The following GRID2 variants were observed in gnomAD, a reference collection of about 807,000 sequenced individuals.
GRID2 encodes glutamate ionotropic receptor delta type subunit 2, also known as glutamate receptor ionotropic, delta-2.
A neutral mutation model predicts 114.8 loss-of-function variants in GRID2; 33 were observed. The observed-to-expected ratio is 0.29, with a 90% CI of 0.22 to 0.38. GRID2 has a LOEUF of 0.38. Ranked by LOEUF, GRID2 falls within the 10% of genes least tolerant of loss-of-function variation. The pLI is 1.00. For synonymous variants in GRID2, 505 were observed against 449.9 expected, an observed-to-expected ratio of 1.12 and a Z score of -1.55; for missense variants, 1,184 against 1,257.7, an observed-to-expected ratio of 0.94 and a Z score of 0.89.
intron 2 of GRID2, among the ~76,000 whole-genome samples, chr4:92,980,075 T>G (rs1207637939): frequency 6.6e-6 from 1 of 152,184 alleles, no homozygotes; most frequent in African/African-American, 2.4e-5. Context: ...GCCTTAATAA[T>G]AATGTGTGGA....
intron 1 of GRID2, among the ~76,000 whole-genome samples, chr4:92,422,993 G>T (rs1731979250): frequency 6.6e-6 from 1 of 152,112 alleles, no homozygotes; most frequent in Admixed American, 6.5e-5. Flanking sequence ...TCATAATTTT[G>T]CAAAGGCAGT....
chr4:93,803,854 CA>C (rs1329442541), intron 1 of GRID2, among the ~76,000 whole-genome samples: 2 of 152,108 alleles, frequency 1.3e-5, no homozygotes, highest in East Asian at 3.8e-4. Flanking sequence ...GTGAATGCAA[CA>C]ATTGAAAAAG....
At chr4:92,928,287 G>T (rs1340319952) in intron 2 of GRID2, among the ~76,000 whole-genome samples, 1 of 151,676 alleles carries the variant, frequency 6.6e-6, no homozygotes, top group African/African-American at 2.4e-5. Context: ...TAGAGGGCTG[G>T]AATTGTGTGC....
chr4:93,522,740 C>T (rs1196214185), intron 13 of GRID2, among the ~76,000 whole-genome samples: 3 of 151,988 alleles, frequency 2.0e-5, no homozygotes, highest in Admixed American at 1.3e-4. Context: ...TTGGAAGTAA[C>T]ATGAAGCTTG....
chr4:92,415,740 G>A (rs370163822), intron 1 of GRID2, among the ~76,000 whole-genome samples: 14 of 82,222 alleles, frequency 1.7e-4, no homozygotes, highest in African/African-American at 2.0e-4. Flanking sequence ...GTGTATGTGT[G>A]TATATATATA....
chr4:93,549,889 A>G (rs2149540850), intron 13 of GRID2, among the ~76,000 whole-genome samples: 1 of 152,286 alleles, frequency 6.6e-6, no homozygotes, highest in East Asian at 1.9e-4. Context: ...TTTTAACTAC[A>G]CTAACTTGTA....
chr4:92,801,671 T>A (rs904126480), intron 2 of GRID2, among the ~76,000 whole-genome samples: 1 of 151,936 alleles, frequency 6.6e-6, no homozygotes, highest in African/African-American at 2.4e-5. Flanking sequence ...TAAGCATATA[T>A]ATAAGCAAAA....
intron 2 of GRID2, among the ~76,000 whole-genome samples, chr4:93,032,841 C>T (rs1015212316): frequency 1.3e-5 from 2 of 152,124 alleles, no homozygotes; most frequent in African/African-American, 4.8e-5. Flanking sequence ...TAGCCTAACA[C>T]CCATGGGATA....
At chr4:93,115,013 A>G (rs1733103756) in intron 4 of GRID2, among the ~76,000 whole-genome samples, 2 of 152,040 alleles carry the variant, frequency 1.3e-5, no homozygotes, top group South Asian at 4.1e-4. Context: ...AAGTTGTGTC[A>G]CCAGACTCTT....
chr4:93,783,771 C>T (rs1734529115), intron 1 of GRID2, among the ~76,000 whole-genome samples: 1 of 152,098 alleles, frequency 6.6e-6, no homozygotes, highest in Non-Finnish European at 1.5e-5. Context: ...CTAATGAAAA[C>T]CTTAGAAAAA....
intron 1 of GRID2, among the ~76,000 whole-genome samples, chr4:92,307,200 T>A (rs970792749): frequency 1.3e-5 from 2 of 152,088 alleles, no homozygotes; most frequent in Admixed American, 6.5e-5. Flanking sequence ...AAAGAATTAA[T>A]TTTCTTTAGG....
chr4:93,531,173 GAC>G (rs1731405668), intron 13 of GRID2, among the ~76,000 whole-genome samples: 1 of 152,070 alleles, frequency 6.6e-6, no homozygotes, highest in South Asian at 2.1e-4. Flanking sequence ...AGGCAGGAAA[GAC>G]AGAGTAAGAC....
intron 2 of GRID2, among the ~76,000 whole-genome samples, chr4:92,777,626 C>A (rs1052399457): frequency 6.6e-6 from 1 of 151,360 alleles, no homozygotes; most frequent in Non-Finnish European, 1.5e-5. Context: ...AGAGATAGGG[C>A]CATTAAAGAA....
At chr4:92,464,224 C>A (rs190330102) in intron 1 of GRID2, among the ~76,000 whole-genome samples, 1 of 152,084 alleles carries the variant, frequency 6.6e-6, no homozygotes, top group Admixed American at 6.6e-5. Context: ...GTGGAAATAG[C>A]ACAGCTCTGG....
intron 2 of GRID2, among the ~76,000 whole-genome samples, chr4:92,913,776 C>A (rs547892741): frequency 6.6e-6 from 1 of 151,606 alleles, no homozygotes; most frequent in Non-Finnish European, 1.5e-5. Context: ...AACGAAGAAA[C>A]GTTTCACTAA....
intron 1 of GRID2, among the ~76,000 whole-genome samples, chr4:92,331,805 T>A (rs923745516): frequency 2.5e-4 from 38 of 152,208 alleles, no homozygotes; most frequent in African/African-American, 8.9e-4. Flanking sequence ...TTGAATAAGA[T>A]GAGGTATTTA....
chr4:93,394,777 A>T (rs1765174212), intron 8 of GRID2, among the ~76,000 whole-genome samples: 1 of 152,018 alleles, frequency 6.6e-6, no homozygotes, highest in African/African-American at 2.4e-5. Flanking sequence ...GCATTACAAC[A>T]TTCTCTCTCT....
rs551272724 is a variant in GRID2, at chr4:92,961,093, C to T, written c.245-123902C>T. Among the ~76,000 whole-genome samples the T allele has an allele frequency of 2.0e-5, 3 of 151,756 alleles. No homozygotes were observed. In the East Asian group the frequency reaches 5.8e-4, roughly 29 times the overall value. On this transcript the variant is annotated intron_variant, in intron 2 of 15. Coordinates refer to ENST00000282020, the MANE Select transcript of GRID2 (RefSeq NM_001510.4). ...TAACTTCTTAAAAAATAATAATTAC[C>T]CCCTCCATTCTTTGTATCATTGCTG...
At position 93,250,072 on chromosome 4, in the gene GRID2, A is replaced by T. The variant is rs538987110; in HGVS notation, c.1245+11582A>T. Among the ~76,000 whole-genome samples, 7 of 152,344 alleles carry T rather than the reference A, an allele frequency of 4.6e-5. No homozygotes were observed. In the South Asian group the frequency reaches 1.4e-3, roughly 32 times the overall value. On this transcript the variant is annotated intron_variant, in intron 8 of 15. Transcript: ENST00000282020. ...TATTTTTATTGCAGCACTGTTCACA[A>T]TAGCAAAGATTTGGAACTAGCCCAA...
Sources: gnomAD v4.1 joint callset for allele counts (sites outside exome capture counted in the v4.1 genomes callset) on GRCh38, gnomAD v4.1.1 for gene constraint, MANE v1.5 for transcripts, NCBI Gene and HGNC (gene_info 2026-07-23, HGNC 2026-07-21) for gene names.